Variants in PRKD2 observed in about 807,000 individuals in gnomAD.
The protein encoded by PRKD2 is serine/threonine-protein kinase D2.
A neutral mutation model predicts 86.0 loss-of-function variants in PRKD2; 22 were observed. That is an observed-to-expected ratio of 0.26 (90% CI 0.18 to 0.37). The LOEUF (loss-of-function observed/expected upper bound fraction) is 0.37. Ranked by LOEUF, PRKD2 falls within the 10% of genes least tolerant of loss-of-function variation. The pLI is 1.00. For missense variants in PRKD2, 818 were observed against 1,199.2 expected, an observed-to-expected ratio of 0.68 and a Z score of 4.70; for synonymous variants, 509 against 510.9, an observed-to-expected ratio of 1.00 and a Z score of 0.05.
intron 3 of PRKD2, among the ~76,000 whole-genome samples, chr19:46,709,557 C>T (rs2053771907): frequency 6.6e-6 from 1 of 152,166 alleles, no homozygotes; most frequent in Non-Finnish European, 1.5e-5. Flanking sequence ...GACGGGGTTT[C>T]ACCATGTTGG....
At chr19:46,692,433 C>T (rs1000121112) in intron 10 of PRKD2, among the ~76,000 whole-genome samples, 1 of 152,074 alleles carries the variant, frequency 6.6e-6, no homozygotes, top group African/African-American at 2.4e-5. Context: ...ATCCTTCTGC[C>T]ATTTGAATGT....
Position 46,716,175 on chromosome 19 carries a change from G to A in PRKD2, c.196C>T (p.Leu66=). ...EFVLLPAASE[L]AHVKQLACSI... ...CAGGCCAGCTGCTTCACATGAGCCA[G>A]CTCGGAGGCGGCGGGCAACAGCACG... is the stretch of plus-strand genomic sequence containing the variant. Residue 66 remains leucine (L), a synonymous_variant, in exon 1 of 18, where the codon CTG becomes TTG. Transcript: ENST00000291281. This position sits in a 1 kb window ranked among gnomAD's most constrained non-coding sequence, Gnocchi z 7.9. The A allele has an allele frequency of 6.2e-7, 1 of 1,611,540 alleles. No individual in the cohort carries two copies. Among genetic ancestry groups the A allele is most frequent in the Non-Finnish European group, 8.5e-7 (1 of 1,179,428 alleles).
chr19:46,706,638 T>A (rs1292696469), intron 3 of PRKD2, among the ~76,000 whole-genome samples: 1 of 152,170 alleles, frequency 6.6e-6, no homozygotes, highest in Non-Finnish European at 1.5e-5. Flanking sequence ...ACTGGGACCA[T>A]CATCTGTGAT....
Position 46,704,162 on chromosome 19 carries a change from A to G in PRKD2, c.889+7T>C. ...CCTGTCTGTCCTCCCCGACAGGCCC[A>G]GCTAACCTTTGCATTGCAGGCCCTG... On this transcript the variant is annotated splice_region_variant and intron_variant, in intron 5 of 17. Transcript: ENST00000291281. 6.2e-7 allele frequency: 1 copy of G among 1,613,630 alleles called. No homozygotes were observed. Among genetic ancestry groups the G allele is most frequent in the Non-Finnish European group, 8.5e-7 (1 of 1,179,874 alleles).
chr19:46,682,152 G>A (rs543497222), intron 14 of PRKD2, among the ~76,000 whole-genome samples: 1 of 152,168 alleles, frequency 6.6e-6, no homozygotes, highest in South Asian at 2.1e-4. Context: ...GATTACAGGC[G>A]CTGGCCACTA....
intron 14 of PRKD2, among the ~76,000 whole-genome samples, chr19:46,688,438 TA>T (rs57021276): frequency 0.037 from 5,345 of 145,216 alleles, 292 homozygotes; most frequent in African/African-American, 0.11. Context: ...TTATTATTAT[TA>T]TTATTTTTTT....
At chr19:46,684,455 G>A (rs2053365308) in intron 14 of PRKD2, among the ~76,000 whole-genome samples, 1 of 152,032 alleles carries the variant, frequency 6.6e-6, no homozygotes, top group Admixed American at 6.6e-5. Context: ...CCCAGTAGCT[G>A]GGATTACAGG....
In PRKD2 at chr19:46,676,302, C is replaced by A. The variant is rs568172528; in HGVS notation, c.2339-1184G>T. On this transcript the variant is annotated intron_variant, in intron 16 of 17. Coordinates refer to ENST00000291281, the MANE Select transcript of PRKD2 (RefSeq NM_016457.5). ...AATTAGCTGGGCATGGTAGCGCATG[C>A]CTGTAGTCCCAGCTACTCAGGAGGC... 2.0e-5 allele frequency among the ~76,000 whole-genome samples: 3 copies of A among 152,138 alleles called. No homozygotes were observed. In the East Asian group the frequency reaches 5.8e-4, roughly 29 times the overall value.
intron 5 of PRKD2, among the ~76,000 whole-genome samples, chr19:46,703,897 T>C (rs1248592536): frequency 6.6e-6 from 1 of 151,340 alleles, no homozygotes; most frequent in Non-Finnish European, 1.5e-5. Flanking sequence ...TGAGCCGTGA[T>C]TGCGCCACTG....
At chr19:46,714,061 C>A (rs984585136) in intron 1 of PRKD2, 60 bp from the exon 2 acceptor site, 5 of 1,584,168 alleles carry the variant, frequency 3.2e-6, no homozygotes, top group Non-Finnish European at 4.3e-6. Flanking sequence ...CAGCAGCGGG[C>A]GGACTGTGAC....
At chr19:46,692,427 T>C (rs1171779253) in intron 10 of PRKD2, among the ~76,000 whole-genome samples, 1 of 152,030 alleles carries the variant, frequency 6.6e-6, no homozygotes, top group African/African-American at 2.4e-5. Flanking sequence ...AGTCCGATCC[T>C]TCTGCCATTT....
chr19:46,689,445 C>G (rs1385810262), intron 14 of PRKD2, 92 bp downstream of exon 14: 1 of 1,408,882 alleles, frequency 7.1e-7, no homozygotes, highest in Non-Finnish European at 9.6e-7. Context: ...GTGACTCCCC[C>G]AAGTGTCTGC....
chr19:46,692,890 C>G (rs2053503312), intron 10 of PRKD2, among the ~76,000 whole-genome samples: 1 of 152,152 alleles, frequency 6.6e-6, no homozygotes, highest in Non-Finnish European at 1.5e-5. Flanking sequence ...AATGTCACTC[C>G]TAGGACCAAG....
intron 14 of PRKD2, 44 bp from the exon 15 acceptor site, chr19:46,681,792 T>A (rs755403688): frequency 3.0e-6 from 4 of 1,314,004 alleles, no homozygotes; most frequent in Non-Finnish European, 4.4e-6. Flanking sequence ...AGATAGGTAC[T>A]CAGCCAAATC....
chr19:46,674,394 T>A lies in PRKD2; in HGVS notation c.*129A>T. ...AACAGGGAGGGGCCTTGGAAATAGC[T>A]CCCCCCACCCCACTCCCCACGTGTC... On this transcript the variant is annotated 3_prime_UTR_variant, in exon 18 of 18. Coordinates refer to ENST00000291281, the MANE Select transcript of PRKD2 (RefSeq NM_016457.5). 2 of 1,000,622 alleles carry A rather than the reference T, an allele frequency of 2.0e-6. No individual in the cohort carries two copies. Among genetic ancestry groups the A allele is most frequent in the Non-Finnish European group, 2.9e-6 (2 of 701,676 alleles). The allele number at this position is 1,000,622 out of a possible 1,614,324, so 62.0% of individuals were successfully genotyped here. A position where few individuals can be genotyped will look rare whatever the true frequency, so the allele number is the denominator to read the frequency against.
At chr19:46,676,781 G>A (rs1359354630) in intron 16 of PRKD2, among the ~76,000 whole-genome samples, 4 of 152,084 alleles carry the variant, frequency 2.6e-5, no homozygotes, top group Non-Finnish European at 4.4e-5. Flanking sequence ...CAATGCTGGC[G>A]GGGTGTGATG....
intron 15 of PRKD2, among the ~76,000 whole-genome samples, chr19:46,680,946 A>ATATATATTTTTT: frequency 2.1e-5 from 1 of 48,258 alleles, no homozygotes; most frequent in East Asian, 4.4e-4. Flanking sequence ...ATATATATAT[A>ATATATATTTTTT]TTTTTTTTTT....
chr19:46,707,825 G>A (rs1029631590), intron 3 of PRKD2, among the ~76,000 whole-genome samples: 3 of 151,772 alleles, frequency 2.0e-5, no homozygotes, highest in South Asian at 4.2e-4. Context: ...GGACAGGCGC[G>A]GTGGCTCATG....
At chr19:46,709,751 T>C (rs964482791) in intron 3 of PRKD2, among the ~76,000 whole-genome samples, 3 of 152,210 alleles carry the variant, frequency 2.0e-5, no homozygotes, top group African/African-American at 7.2e-5. Flanking sequence ...GTGGGTCTCA[T>C]TCAATCAGCT....
Sources: gnomAD v4.1 joint callset for allele counts (sites outside exome capture counted in the v4.1 genomes callset) on GRCh38, gnomAD v4.1.1 for gene constraint, Gnocchi (gnomAD v3.1) non-coding constraint, MANE v1.5 for transcripts, NCBI Gene and HGNC (gene_info 2026-07-23, HGNC 2026-07-21) for gene names.